Variants in ALDH1A2 observed in about 807,000 individuals in gnomAD.
ALDH1A2 encodes retinal dehydrogenase 2.
A neutral mutation model predicts 60.3 loss-of-function variants in ALDH1A2; 27 were observed. The observed-to-expected ratio is 0.45, with a 90% CI of 0.33 to 0.62. ALDH1A2 has a LOEUF of 0.62. ALDH1A2 is among the 20% of genes least tolerant of loss of function. ALDH1A2 has a pLI of 0.02. For missense variants in ALDH1A2, 581 were observed against 643.8 expected (o/e 0.90, Z 1.06); for synonymous variants, 289 against 232.4 (o/e 1.24, Z -2.21).
chr15:58,003,806 C>A (rs1006951162), intron 4 of ALDH1A2, among the ~76,000 whole-genome samples: 8 of 151,726 alleles, frequency 5.3e-5, no homozygotes, highest in Non-Finnish European at 8.8e-5. Flanking sequence ...GATAATGTAA[C>A]AGGTAAAAAA....
At chr15:57,999,272 G>T (rs1362213395) in intron 4 of ALDH1A2, among the ~76,000 whole-genome samples, 1 of 152,086 alleles carries the variant, frequency 6.6e-6, no homozygotes, top group African/African-American at 2.4e-5. Flanking sequence ...CAGAATGGGA[G>T]AAATTTTTTG....
intron 1 of ALDH1A2, among the ~76,000 whole-genome samples, chr15:58,053,487 T>C (rs1472200713): frequency 2.6e-5 from 4 of 152,158 alleles, no homozygotes; most frequent in Admixed American, 1.3e-4. Flanking sequence ...AGTTAGTGAC[T>C]TTGCAAGCAT....
At chr15:58,017,680 C>T (rs539599081) in intron 1 of ALDH1A2, among the ~76,000 whole-genome samples, 5 of 152,046 alleles carry the variant, frequency 3.3e-5, no homozygotes, top group Non-Finnish European at 7.4e-5. Flanking sequence ...AAAGGCATTG[C>T]CAATTTCAGG....
At chr15:58,065,408 G>A in intron 1 of ALDH1A2, 126 bp downstream of exon 1, 3 of 867,016 alleles carry the variant, frequency 3.5e-6, no homozygotes, top group South Asian at 1.3e-5. Context: ...CTGCTGCGCC[G>A]GGATGACAGG....
At chr15:57,969,655 C>A (rs1204054776) in intron 7 of ALDH1A2, among the ~76,000 whole-genome samples, 1 of 152,118 alleles carries the variant, frequency 6.6e-6, no homozygotes, top group Admixed American at 6.5e-5. Flanking sequence ...AAGTCCTATT[C>A]TGATGAAATT....
chr15:58,040,790 T>C (rs1896502230), intron 1 of ALDH1A2, among the ~76,000 whole-genome samples: 1 of 151,912 alleles, frequency 6.6e-6, no homozygotes. Flanking sequence ...ATGTTAACAT[T>C]TGCGTGCTTA....
At chr15:57,978,570 T>A (rs1894358671) in intron 7 of ALDH1A2, among the ~76,000 whole-genome samples, 1 of 152,202 alleles carries the variant, frequency 6.6e-6, no homozygotes, top group African/African-American at 2.4e-5. Context: ...TTTTTTTCCT[T>A]ACAGACAGAG....
At chr15:57,984,656 T>C (rs972824950) in intron 7 of ALDH1A2, among the ~76,000 whole-genome samples, 2 of 152,232 alleles carry the variant, frequency 1.3e-5, no homozygotes, top group Non-Finnish European at 2.9e-5. Flanking sequence ...TATAGTGTTT[T>C]CAAGGCTCAT....
intron 1 of ALDH1A2, among the ~76,000 whole-genome samples, chr15:58,053,322 G>C (rs1896822361): frequency 6.6e-6 from 1 of 152,040 alleles, no homozygotes; most frequent in African/African-American, 2.4e-5. Flanking sequence ...AACTAAAATT[G>C]GTGTGGAATT....
intron 7 of ALDH1A2, among the ~76,000 whole-genome samples, chr15:57,984,048 A>G (rs1894613526): frequency 6.6e-6 from 1 of 152,224 alleles, no homozygotes; most frequent in South Asian, 2.1e-4. Context: ...ACCTCCATTA[A>G]TATGTCATTC....
chr15:57,988,267 T>C (rs530437315), intron 7 of ALDH1A2, among the ~76,000 whole-genome samples: 1 of 152,302 alleles, frequency 6.6e-6, no homozygotes, highest in East Asian at 1.9e-4. Flanking sequence ...TATTTAATGG[T>C]AGACTGTGAT....
chr15:57,994,331 G>A (rs1288247127), intron 5 of ALDH1A2, among the ~76,000 whole-genome samples: 1 of 152,146 alleles, frequency 6.6e-6, no homozygotes, highest in East Asian at 1.9e-4. Flanking sequence ...GGTTCCCAAT[G>A]CCAAAGATTA....
At chr15:57,969,732 ATAGAT>A (rs1302591461) in intron 7 of ALDH1A2, among the ~76,000 whole-genome samples, 1 of 152,246 alleles carries the variant, frequency 6.6e-6, no homozygotes, top group Admixed American at 6.5e-5. Context: ...ATGATGTAAT[ATAGAT>A]TAAATAGGAT....
chr15:57,956,993 G>A (rs1280068327), intron 12 of ALDH1A2, among the ~76,000 whole-genome samples: 1 of 152,184 alleles, frequency 6.6e-6, no homozygotes, highest in Non-Finnish European at 1.5e-5. Context: ...TGCTGGAGCA[G>A]AGCTGCTCCT....
At chr15:58,041,606 T>C (rs1392637348) in intron 1 of ALDH1A2, among the ~76,000 whole-genome samples, 1 of 152,060 alleles carries the variant, frequency 6.6e-6, no homozygotes, top group East Asian at 1.9e-4. Context: ...CATGGTAGAA[T>C]GGACAAGCTA....
chr15:58,050,356 G>C (rs1896744191), intron 1 of ALDH1A2, among the ~76,000 whole-genome samples: 1 of 152,010 alleles, frequency 6.6e-6, no homozygotes, highest in African/African-American at 2.4e-5. Flanking sequence ...TAACAGTTTA[G>C]AGCTGCCCGT....
intron 1 of ALDH1A2, among the ~76,000 whole-genome samples, chr15:58,028,273 A>C (rs1424172985): frequency 6.6e-6 from 1 of 152,210 alleles, no homozygotes. Flanking sequence ...AGAATTTTCA[A>C]CCCAGAATTT....
chr15:58,031,514 G>T (rs185769709), intron 1 of ALDH1A2, among the ~76,000 whole-genome samples: 198 of 152,226 alleles, frequency 1.3e-3, no homozygotes, highest in African/African-American at 4.5e-3. Flanking sequence ...ATAGACAAAT[G>T]GGATTTAATT....
chr15:58,058,107 A>T, intron 1 of ALDH1A2: 1 of 1,522,324 alleles, frequency 6.6e-7, no homozygotes, highest in Non-Finnish European at 8.8e-7. Context: ...CAATTTTCAC[A>T]CCTAGAGAAA....
Sources: gnomAD v4.1 joint callset for allele counts (sites outside exome capture counted in the v4.1 genomes callset) on GRCh38, gnomAD v4.1.1 for gene constraint, MANE v1.5 for transcripts, NCBI Gene and HGNC (gene_info 2026-07-23, HGNC 2026-07-21) for gene names.